HS3ST4: variants seen among roughly 807,000 people sequenced by gnomAD.
The protein encoded by HS3ST4 is heparan sulfate-glucosamine 3-sulfotransferase 4.
In HS3ST4, 17 loss-of-function variants were observed where a neutral mutation model predicts 29.2. The ratio of observed to expected loss-of-function variants is 0.58; its 90% CI spans 0.40 to 0.87. The LOEUF (loss-of-function observed/expected upper bound fraction) is 0.87. HS3ST4 is among the 40% of genes least tolerant of loss of function. The pLI, the probability that HS3ST4 is intolerant of heterozygous loss-of-function variation, is 0.00. For missense variants in HS3ST4, 627 were observed against 634.5 expected, an observed-to-expected ratio of 0.99 and a Z score of 0.13; for synonymous variants, 314 against 285.7, an observed-to-expected ratio of 1.10 and a Z score of -1.00.
chr16:26,001,479 A>G (rs938430324), intron 1 of HS3ST4, among the ~76,000 whole-genome samples: 1 of 152,166 alleles, frequency 6.6e-6, no homozygotes. Context: ...GAAATTATTT[A>G]TGAATACAAA....
chr16:25,790,707 A>G (rs139035616), intron 1 of HS3ST4, among the ~76,000 whole-genome samples: 146 of 152,230 alleles, frequency 9.6e-4, no homozygotes, highest in Middle Eastern at 3.4e-3. Context: ...CATGAGGTGC[A>G]TTTTAAAGTG....
rs373338070 is a variant in HS3ST4 at position 25,936,998 on chromosome 16, A to G, written c.735-198614A>G. Among the ~76,000 whole-genome samples, 4 of 152,322 alleles carry G rather than the reference A, an allele frequency of 2.6e-5. No individual in the cohort carries two copies. The East Asian group carries it at 7.7e-4, about 29-fold the overall frequency. On this transcript the variant is annotated intron_variant, in intron 1 of 1. Transcript: ENST00000331351. ...CATTAGAAGACTGTAGACATCTCTC[A>G]GATTTTGTGCTTTGGATAAGATTGG...
chr16:25,896,772 A>T (rs1035976448), intron 1 of HS3ST4, among the ~76,000 whole-genome samples: 5 of 152,232 alleles, frequency 3.3e-5, no homozygotes, highest in Non-Finnish European at 7.3e-5. Context: ...AGTGGATTGG[A>T]TAAAGAAAAT....
intron 1 of HS3ST4, among the ~76,000 whole-genome samples, chr16:25,878,453 A>T (rs1243392792): frequency 6.6e-6 from 1 of 152,144 alleles, no homozygotes; most frequent in Non-Finnish European, 1.5e-5. Context: ...CAAACTTACA[A>T]TGAAAAGCAA....
At chr16:25,703,934 A>C (rs1207584178) in intron 1 of HS3ST4, among the ~76,000 whole-genome samples, 2 of 152,212 alleles carry the variant, frequency 1.3e-5, no homozygotes, top group African/African-American at 4.8e-5. Flanking sequence ...TATTTTCTCC[A>C]GCACATCTAT....
At chr16:26,076,374 AGG>A (rs1898665121) in intron 1 of HS3ST4, among the ~76,000 whole-genome samples, 1 of 152,204 alleles carries the variant, frequency 6.6e-6, no homozygotes, top group Admixed American at 6.5e-5. Flanking sequence ...GATCACATTC[AGG>A]TAGGCTGAGG....
chr16:25,907,764 T>C (rs917093932), intron 1 of HS3ST4, among the ~76,000 whole-genome samples: 2 of 152,086 alleles, frequency 1.3e-5, no homozygotes, highest in Non-Finnish European at 2.9e-5. Flanking sequence ...TTAATATTGA[T>C]CTCTCCAAAT....
intron 1 of HS3ST4, among the ~76,000 whole-genome samples, chr16:25,977,318 A>G (rs1021408047): frequency 9.9e-5 from 15 of 152,166 alleles, no homozygotes; most frequent in African/African-American, 3.6e-4. Context: ...AAATGGGGAT[A>G]ATAGGCCTCA....
chr16:26,101,975 C>G (rs1224713091), intron 1 of HS3ST4, among the ~76,000 whole-genome samples: 2 of 152,154 alleles, frequency 1.3e-5, no homozygotes, highest in Non-Finnish European at 2.9e-5. Context: ...TGAGGTCTTA[C>G]TACAATAGCA....
chr16:25,696,978 G>T (rs1347328321), intron 1 of HS3ST4, among the ~76,000 whole-genome samples: 2 of 152,148 alleles, frequency 1.3e-5, no homozygotes, highest in Non-Finnish European at 2.9e-5. Context: ...TTAACTCAGG[G>T]TCACTTGGCT....
chr16:26,012,630 A>C (rs1353453656), intron 1 of HS3ST4, among the ~76,000 whole-genome samples: 1 of 152,216 alleles, frequency 6.6e-6, no homozygotes, highest in African/African-American at 2.4e-5. Context: ...TGGTGTTTCA[A>C]GGCTTAAAAT....
chr16:25,929,310 G>T (rs1968440736), intron 1 of HS3ST4, among the ~76,000 whole-genome samples: 1 of 151,818 alleles, frequency 6.6e-6, no homozygotes, highest in Admixed American at 6.6e-5. Flanking sequence ...GGAATCCGGT[G>T]AGCTCAGATC....
chr16:26,038,294 T>A (rs746030587), intron 1 of HS3ST4, among the ~76,000 whole-genome samples: 2 of 152,110 alleles, frequency 1.3e-5, no homozygotes, highest in Non-Finnish European at 2.9e-5. Context: ...AGAACTCTAT[T>A]CCCAAGCAGC....
chr16:25,852,331 A>G (rs1467202867), intron 1 of HS3ST4, among the ~76,000 whole-genome samples: 1 of 152,042 alleles, frequency 6.6e-6, no homozygotes, highest in East Asian at 1.9e-4. Flanking sequence ...TCTGGGGTAC[A>G]TGTGCAGGAT....
chr16:26,076,681 G>A (rs1898668090), intron 1 of HS3ST4, among the ~76,000 whole-genome samples: 1 of 152,166 alleles, frequency 6.6e-6, no homozygotes, highest in Non-Finnish European at 1.5e-5. Context: ...GATTAATTGA[G>A]GTAACCAGAA....
chr16:25,778,869 C>T (rs566248959), intron 1 of HS3ST4, among the ~76,000 whole-genome samples: 2 of 152,296 alleles, frequency 1.3e-5, no homozygotes, highest in East Asian at 3.9e-4. Flanking sequence ...CTACCTGGCC[C>T]TGCGGATTTT....
At chr16:25,851,775 A>G (rs912412097) in intron 1 of HS3ST4, among the ~76,000 whole-genome samples, 2 of 152,140 alleles carry the variant, frequency 1.3e-5, no homozygotes, top group African/African-American at 4.8e-5. Flanking sequence ...ACAACCGAGA[A>G]TTCATCCTAG....
intron 1 of HS3ST4, among the ~76,000 whole-genome samples, chr16:26,124,061 C>T (rs1019271401): frequency 6.6e-6 from 1 of 152,108 alleles, no homozygotes; most frequent in Admixed American, 6.5e-5. Flanking sequence ...GCTGGGATTA[C>T]AGGCAGGTGC....
chr16:25,796,587 G>T (rs1360687124), intron 1 of HS3ST4, among the ~76,000 whole-genome samples: 2 of 152,186 alleles, frequency 1.3e-5, no homozygotes, highest in Admixed American at 6.5e-5. Flanking sequence ...AACATTTTGG[G>T]TTTTACATCT....
Sources: allele counts gnomAD v4.1 joint callset (sites outside exome capture counted in the v4.1 genomes callset), GRCh38; gene constraint gnomAD v4.1.1; transcripts MANE v1.5; gene names NCBI Gene and HGNC (gene_info 2026-07-23, HGNC 2026-07-21).